The following DPY19L1 variants were observed in gnomAD, a reference collection of about 807,000 sequenced individuals.
DPY19L1 encodes the protein dpy-19 like C-mannosyltransferase 1.
Under a neutral mutation model 96.9 loss-of-function variants are expected in DPY19L1, and 35 were observed. The observed-to-expected ratio is 0.36, with a 90% CI of 0.28 to 0.48. The LOEUF is 0.48. Ranked by LOEUF, DPY19L1 falls within the 20% of genes least tolerant of loss-of-function variation. The pLI is 0.99. For missense variants in DPY19L1, 521 were observed against 777.9 expected (o/e 0.67, Z 3.93); for synonymous variants, 205 against 252.6 (o/e 0.81, Z 1.79).
rs1245059648 is a variant in DPY19L1, at chr7:35,005,827, T to A, written c.764+4641A>T. Among the ~76,000 whole-genome samples, 13 of 150,572 alleles carry A rather than the reference T, an allele frequency of 8.6e-5. 1 individual carries two copies. On this transcript the variant is annotated intron_variant, in intron 6 of 21. Coordinates refer to ENST00000638088, the MANE Select transcript of DPY19L1 (RefSeq NM_001366673.1). ...TTTCGTCTCAAAAAAAAAAAAAGTT[T>A]TGTCTTAATTTTGTCATGTGAGAGA...
intron 8 of DPY19L1, among the ~76,000 whole-genome samples, chr7:34,972,898 G>C (rs1450287167): frequency 6.6e-6 from 1 of 152,204 alleles, no homozygotes; most frequent in Non-Finnish European, 1.5e-5. Context: ...TATACTTGCT[G>C]TAACAATCAG....
intron 21 of DPY19L1, among the ~76,000 whole-genome samples, chr7:34,933,626 T>C (rs1196118788): frequency 6.6e-6 from 1 of 152,244 alleles, no homozygotes; most frequent in Non-Finnish European, 1.5e-5. Context: ...GCTGCCAGCA[T>C]GGCTAGAATA....
At chr7:34,956,374 T>C (rs978240648) in intron 11 of DPY19L1, among the ~76,000 whole-genome samples, 1 of 152,332 alleles carries the variant, frequency 6.6e-6, no homozygotes, top group East Asian at 1.9e-4. Context: ...CCCAAAGTTA[T>C]GATTTTTCTT....
chr7:34,946,730 C>T (rs985266082), intron 15 of DPY19L1, among the ~76,000 whole-genome samples: 1 of 152,136 alleles, frequency 6.6e-6, no homozygotes, highest in African/African-American at 2.4e-5. Flanking sequence ...GTGCAGAGCC[C>T]GAGTCTCACT....
At chr7:34,934,576 C>G (rs764662239) in intron 21 of DPY19L1, among the ~76,000 whole-genome samples, 4 of 152,166 alleles carry the variant, frequency 2.6e-5, no homozygotes, top group Non-Finnish European at 5.9e-5. Context: ...GGTCCCCGGT[C>G]TTTTTGGCAC....
rs1390118837 is a variant in DPY19L1, at chr7:34,949,996, A to G, written c.1321-98T>C. On this transcript the variant is annotated intron_variant, in intron 13 of 21. Coordinates refer to ENST00000638088, the MANE Select transcript of DPY19L1 (RefSeq NM_001366673.1). ...GAAAATAGTTTTCATTACATTATAG[A>G]GCCCACTGTTCCCACACCAAGCCTG... 1.1e-5 allele frequency: 7 copies of G among 610,586 alleles called. No individual in the cohort carries two copies. The African/African-American group carries it at 1.2e-4, about 10-fold the overall frequency. The allele number at this position is 610,586 out of a possible 1,614,324, so 37.8% of individuals were successfully genotyped here.
chr7:35,023,615 CA>C (rs1786046618), intron 1 of DPY19L1, among the ~76,000 whole-genome samples: 1 of 152,132 alleles, frequency 6.6e-6, no homozygotes, highest in South Asian at 2.1e-4. Flanking sequence ...GAGTATTTAT[CA>C]GCATTTTACA....
chr7:34,954,852 T>C, intron 12 of DPY19L1, 74 bp from the exon 13 acceptor site: 3 of 658,018 alleles, frequency 4.6e-6, no homozygotes, highest in Non-Finnish European at 7.7e-6. Flanking sequence ...AAAAAATAAA[T>C]GCTTTAATCA....
chr7:34,974,764 T>C (rs567820159), intron 7 of DPY19L1, among the ~76,000 whole-genome samples: 22 of 152,318 alleles, frequency 1.4e-4, no homozygotes, highest in African/African-American at 5.1e-4. Context: ...AATTGAAGGT[T>C]TGTGGCAACC....
At chr7:34,980,221 A>C (rs1784911243) in intron 7 of DPY19L1, among the ~76,000 whole-genome samples, 1 of 152,150 alleles carries the variant, frequency 6.6e-6, no homozygotes, top group Admixed American at 6.5e-5. Context: ...TAGGGGAGGA[A>C]GGAATCTGGA....
chr7:34,981,377 A>C (rs1784935879), intron 7 of DPY19L1, among the ~76,000 whole-genome samples: 1 of 152,230 alleles, frequency 6.6e-6, no homozygotes, highest in Admixed American at 6.5e-5. Context: ...GCAATGGCTA[A>C]TGTAATAACT....
intron 7 of DPY19L1, among the ~76,000 whole-genome samples, chr7:34,981,149 TA>T (rs1784930503): frequency 6.6e-6 from 1 of 152,174 alleles, no homozygotes; most frequent in South Asian, 2.1e-4. Context: ...ATACAAATCT[TA>T]ATGTGTGAAA....
chr7:35,033,689 T>A (rs1161703709), intron 1 of DPY19L1, among the ~76,000 whole-genome samples: 1 of 152,070 alleles, frequency 6.6e-6, no homozygotes, highest in African/African-American at 2.4e-5. Context: ...CCCCATCTAG[T>A]CCCCAACAGC....
At chr7:34,971,945 C>G (rs1422239687) in intron 8 of DPY19L1, among the ~76,000 whole-genome samples, 2 of 152,182 alleles carry the variant, frequency 1.3e-5, no homozygotes, top group Non-Finnish European at 2.9e-5. Context: ...CACCTGGCCT[C>G]ACAGTAGGGA....
At chr7:35,010,707 C>A in intron 5 of DPY19L1, 146 bp from the exon 6 acceptor site, 1 of 649,552 alleles carries the variant, frequency 1.5e-6, no homozygotes, top group Non-Finnish European at 2.8e-6. Context: ...GAAAACACAA[C>A]ACTACTGCAG....
chr7:34,933,472 T>G (rs1400239358), intron 21 of DPY19L1, among the ~76,000 whole-genome samples: 2 of 152,178 alleles, frequency 1.3e-5, no homozygotes, highest in African/African-American at 4.8e-5. Context: ...TGGTCAGTAT[T>G]GAGTGTCAAC....
intron 6 of DPY19L1, among the ~76,000 whole-genome samples, chr7:35,005,881 C>T (rs1470013769): frequency 5.3e-5 from 8 of 151,832 alleles, no homozygotes; most frequent in Non-Finnish European, 7.4e-5. Context: ...CATTCTGAGG[C>T]GGATGGGAAG....
intron 1 of DPY19L1, among the ~76,000 whole-genome samples, chr7:35,031,588 A>G (rs1307005897): frequency 2.0e-5 from 3 of 152,242 alleles, no homozygotes; most frequent in Non-Finnish European, 4.4e-5. Flanking sequence ...GCCACGGTTC[A>G]AATATTAGCA....
At chr7:34,959,920 T>C (rs1430258947) in intron 10 of DPY19L1, among the ~76,000 whole-genome samples, 1 of 33,886 alleles carries the variant, frequency 3.0e-5, no homozygotes, top group Non-Finnish European at 5.5e-5. Context: ...TATATATATA[T>C]ATATTTATAT....
Sources: gnomAD v4.1 joint callset for allele counts (sites outside exome capture counted in the v4.1 genomes callset) on GRCh38, gnomAD v4.1.1 for gene constraint, MANE v1.5 for transcripts, NCBI Gene and HGNC (gene_info 2026-07-23, HGNC 2026-07-21) for gene names.